CPED1: variants seen among roughly 807,000 people sequenced by gnomAD.
CPED1 encodes cadherin-like and PC-esterase domain-containing protein 1.
CPED1 carries 114 observed loss-of-function variants against 128.2 expected under a neutral mutation model. That is an observed-to-expected ratio of 0.89 (90% CI 0.76 to 1.04). The LOEUF is 1.04. Ranked by LOEUF, CPED1 falls within the 50% of genes least tolerant of loss-of-function variation. CPED1 has a pLI of 0.00. For synonymous variants in CPED1, 462 were observed against 426.7 expected (o/e 1.08, Z -1.02); for missense variants, 1,211 against 1,207.1 (o/e 1.00, Z -0.05).
chr7:121,055,706 T>C (rs1793480394), intron 4 of CPED1, among the ~76,000 whole-genome samples: 1 of 151,920 alleles, frequency 6.6e-6, no homozygotes, highest in Non-Finnish European at 1.5e-5. Context: ...ACAAGGCCCA[T>C]AGTCAATACT....
intron 16 of CPED1, among the ~76,000 whole-genome samples, chr7:121,159,265 G>A (rs891181846): frequency 6.6e-6 from 1 of 152,048 alleles, no homozygotes; most frequent in Non-Finnish European, 1.5e-5. Context: ...TTCAGAAAGA[G>A]AAAAAGACAT....
intron 18 of CPED1, among the ~76,000 whole-genome samples, chr7:121,255,370 TAAAAA>T (rs895394978): frequency 6.6e-6 from 1 of 151,962 alleles, no homozygotes; most frequent in Non-Finnish European, 1.5e-5. Context: ...TCCTTCATGA[TAAAAA>T]ACTCTCAACA....
intron 5 of CPED1, among the ~76,000 whole-genome samples, 187 bp downstream of exon 5, chr7:121,064,500 A>G (rs999486187): frequency 1.3e-5 from 2 of 152,210 alleles, no homozygotes; most frequent in Non-Finnish European, 2.9e-5. Flanking sequence ...TAACAACCGT[A>G]ACGTAACACT....
chr7:121,046,860 T>G (rs1477522374), intron 3 of CPED1, 27 bp from the exon 4 acceptor site: 1 of 1,419,282 alleles, frequency 7.0e-7, no homozygotes, highest in Admixed American at 1.9e-5. Context: ...GAAAACTTAT[T>G]TGTTTTGAAT....
chr7:121,244,595 C>T (rs1173497079), intron 18 of CPED1, among the ~76,000 whole-genome samples: 2 of 152,172 alleles, frequency 1.3e-5, no homozygotes, highest in African/African-American at 4.8e-5. Flanking sequence ...TATGCTGACC[C>T]GATTCCATGC....
At chr7:121,271,526 CA>C (rs1323826801) in intron 22 of CPED1, 96 bp downstream of exon 22, 1 of 1,246,000 alleles carries the variant, frequency 8.0e-7, no homozygotes, top group African/African-American at 1.5e-5. Context: ...TTGCATGAAA[CA>C]AAAAACAATG....
In CPED1 at chr7:121,212,415, A is replaced by G. The variant is rs1660440046; in HGVS notation, c.2056-24299A>G. On this transcript the variant is annotated intron_variant, in intron 16 of 22. Transcript: ENST00000310396. ...GAAAGGATCAATTGCTTTAGGCCCC[A>G]CTTCCCCTGTCTCTGTTTTTTCCTC... Among the ~76,000 whole-genome samples the G allele has an allele frequency of 2.0e-5, 3 of 151,968 alleles. No individual in the cohort carries two copies. In the South Asian group the frequency reaches 6.2e-4, roughly 32 times the overall value.
At chr7:121,007,757 CTT>C (rs569551497) in intron 2 of CPED1, among the ~76,000 whole-genome samples, 62 of 152,032 alleles carry the variant, frequency 4.1e-4, no homozygotes, top group African/African-American at 1.5e-3. Flanking sequence ...TTAGCTCTCT[CTT>C]TCTCAGTTAC....
intron 3 of CPED1, among the ~76,000 whole-genome samples, chr7:121,020,833 A>G (rs1792420921): frequency 6.6e-6 from 1 of 151,894 alleles, no homozygotes; most frequent in African/African-American, 2.4e-5. Flanking sequence ...ACATGCTCAA[A>G]TGAGAAATTT....
intron 12 of CPED1, among the ~76,000 whole-genome samples, chr7:121,131,872 G>A (rs73433967): frequency 0.017 from 2,587 of 151,566 alleles, 71 homozygotes; most frequent in African/African-American, 0.059. Context: ...CATCTGATAC[G>A]CTGTAGCACA....
intron 3 of CPED1, among the ~76,000 whole-genome samples, chr7:121,035,311 G>GA (rs1316691949): frequency 3.3e-5 from 5 of 152,118 alleles, no homozygotes; most frequent in Non-Finnish European, 7.4e-5. Flanking sequence ...ATTCTAGAAG[G>GA]AAAAATAATT....
chr7:121,061,268 A>G (rs1423258788), intron 4 of CPED1: 1 of 745,410 alleles, frequency 1.3e-6, no homozygotes, highest in Non-Finnish European at 1.6e-6. Context: ...TCTCATGGAA[A>G]TATCCTAGGG....
chr7:121,164,990 C>T (rs1796490955), intron 16 of CPED1, among the ~76,000 whole-genome samples: 1 of 152,142 alleles, frequency 6.6e-6, no homozygotes, highest in African/African-American at 2.4e-5. Context: ...TGATTCTGAA[C>T]ATCAAAGGTA....
chr7:121,097,785 G>T lies in CPED1; in HGVS notation c.703G>T (p.Val235Leu). 6.2e-7 allele frequency: 1 copy of T among 1,613,836 alleles called. No homozygotes were observed. Among genetic ancestry groups the T allele is most frequent in the South Asian group, 1.1e-5 (1 of 91,088 alleles). The change falls in exon 6 of 23, where the codon GTG (valine) becomes TTG (leucine). Residue 235 changes from valine (V) to leucine (L), a missense_variant. By Grantham distance (32) the Val-to-Leu change is conservative. Transcript: ENST00000310396. ...TACTTCGAGTCACCTTTTAAAAACAGTGAAGCCACGTGTGTGGAAACCAGG... is the reference window on the plus strand; with the variant it reads ...TACTTCGAGTCACCTTTTAAAAACATTGAAGCCACGTGTGTGGAAACCAGG... ...PSTSSHLLKT[V>L]KPRVWKPGDW...
intron 15 of CPED1, 69 bp downstream of exon 15, chr7:121,141,082 A>T (rs1795891989): frequency 1.5e-6 from 2 of 1,292,340 alleles, no homozygotes; most frequent in Non-Finnish European, 2.1e-6. Flanking sequence ...GCAAACTTTG[A>T]AAGTGGTTCA....
At chr7:120,999,810 A>G (rs886404199) in intron 2 of CPED1, among the ~76,000 whole-genome samples, 1 of 152,318 alleles carries the variant, frequency 6.6e-6, no homozygotes, top group African/African-American at 2.4e-5. Flanking sequence ...AAAATTGCTC[A>G]TACTGAGAGA....
chr7:121,064,414 T>TTGTC (rs1357510184), intron 5 of CPED1, 101 bp downstream of exon 5: 3 of 773,094 alleles, frequency 3.9e-6, no homozygotes, highest in Non-Finnish European at 6.6e-6. Context: ...TGTTGCTACT[T>TTGTC]TGTCTATCAA....
At chr7:121,228,214 T>A (rs1211981071) in intron 16 of CPED1, among the ~76,000 whole-genome samples, 1 of 151,970 alleles carries the variant, frequency 6.6e-6, no homozygotes. Context: ...ACTTGCTGAA[T>A]GAGAGAAAAT....
chr7:121,019,870 T>G (rs1792392550), intron 3 of CPED1, among the ~76,000 whole-genome samples: 1 of 152,024 alleles, frequency 6.6e-6, no homozygotes, highest in Non-Finnish European at 1.5e-5. Flanking sequence ...TTATTTTGTT[T>G]CCTATCATGT....
Sources: allele counts gnomAD v4.1 joint callset (sites outside exome capture counted in the v4.1 genomes callset), GRCh38; gene constraint gnomAD v4.1.1; transcripts MANE v1.5; gene names NCBI Gene and HGNC (gene_info 2026-07-23, HGNC 2026-07-21).